Variants in FRK observed in about 807,000 individuals in gnomAD.
The protein encoded by FRK is fyn related Src family tyrosine kinase.
Under a neutral mutation model 56.4 loss-of-function variants are expected in FRK, and 51 were observed. That is an observed-to-expected ratio of 0.90 (90% confidence interval 0.72 to 1.14). The LOEUF (loss-of-function observed/expected upper bound fraction) is 1.14. FRK is among the 50% of genes most tolerant of loss of function. The probability of loss-of-function intolerance (pLI) is 0.00; values close to 1 mark genes in which losing one functional copy is unlikely to be tolerated. For synonymous variants in FRK, 245 were observed against 217.9 expected, an observed-to-expected ratio of 1.12 and a Z score of -1.10; for missense variants, 570 against 601.4, an observed-to-expected ratio of 0.95 and a Z score of 0.55.
chr6:116,006,343 T>G (rs1775246938), intron 1 of FRK, among the ~76,000 whole-genome samples: 1 of 152,220 alleles, frequency 6.6e-6, no homozygotes, highest in Non-Finnish European at 1.5e-5. Context: ...AAATACTATT[T>G]TATACTTTCA....
chr6:116,086,009 CTTTTT>C, the FRK span, among the ~76,000 whole-genome samples: 3 of 145,004 alleles, frequency 2.1e-5, no homozygotes, highest in Non-Finnish European at 4.6e-5. Context: ...GTCCAAATGA[CTTTTT>C]TTTTTTTTTG....
At chr6:116,052,293 G>A (rs1562306785) in intron 1 of FRK, among the ~76,000 whole-genome samples, 1 of 152,026 alleles carries the variant, frequency 6.6e-6, no homozygotes, top group East Asian at 1.9e-4. Flanking sequence ...ATTTCATTGA[G>A]AAATGAATAA....
rs573220038 is a variant in FRK at position 115,931,363 on chromosome 6, A to C, written c.*11051T>G. 6.6e-6 allele frequency: 1 copy of C among 152,348 alleles called. No homozygotes were observed. The highest frequency in any genetic ancestry group is 6.5e-5 in the Admixed American group (1 of 15,306). 9.4% of individuals were successfully genotyped at this position (152,348 alleles called of 1,614,324 possible). On this transcript the variant is annotated 3_prime_UTR_variant, in exon 8 of 8. Coordinates refer to ENST00000606080, the MANE Select transcript of FRK (RefSeq NM_002031.3). The stretch of plus-strand genomic sequence containing the variant: ...GAATACAGAAATAAAAATGTTTAAA[A>C]ATTGTAAGTAGTTACATTTGAATCT...
At position 115,931,448 on chromosome 6, in the gene FRK, T is replaced by C. The variant is rs368856680; in HGVS notation, c.*10966A>G. The C allele has an allele frequency of 2.6e-4, 39 of 152,288 alleles. No homozygotes were observed. Among genetic ancestry groups the C allele is most frequent in the African/African-American group, 8.7e-4 (36 of 41,576 alleles). 9.4% of individuals were successfully genotyped at this position (152,288 alleles called of 1,614,324 possible). On this transcript the variant is annotated 3_prime_UTR_variant, in exon 8 of 8. Transcript: ENST00000606080. ...TAAAAGAGGTCTTCTTTAATCCCTG[T>C]TGCTACATATAAATTAGTCATATGT...
At chr6:116,017,569 G>C (rs563217557) in intron 1 of FRK, among the ~76,000 whole-genome samples, 1 of 152,212 alleles carries the variant, frequency 6.6e-6, no homozygotes, top group South Asian at 2.1e-4. Context: ...AATTTGTCGA[G>C]GTTTTTCTTT....
chr6:115,960,325 C>T (rs1269618383), intron 4 of FRK, among the ~76,000 whole-genome samples: 3 of 151,340 alleles, frequency 2.0e-5, no homozygotes, highest in African/African-American at 7.3e-5. Context: ...CCGAATATTG[C>T]GCTTTTCAGA....
the FRK span, among the ~76,000 whole-genome samples, chr6:116,066,085 A>G: frequency 6.6e-6 from 1 of 152,200 alleles, no homozygotes; most frequent in Non-Finnish European, 1.5e-5. Flanking sequence ...TGAAGGATGC[A>G]AAGTATTGAT....
intron 2 of FRK, among the ~76,000 whole-genome samples, chr6:115,999,539 A>G (rs542361547): frequency 2.0e-5 from 3 of 152,306 alleles, no homozygotes; most frequent in African/African-American, 7.2e-5. Flanking sequence ...CTCTTTTCTG[A>G]CAGCTCCAAG....
the FRK span, among the ~76,000 whole-genome samples, chr6:116,095,281 A>G: frequency 6.6e-6 from 1 of 152,270 alleles, no homozygotes; most frequent in Admixed American, 6.5e-5. Context: ...TCTTTATAGA[A>G]GCAGAGTTAG....
intron 3 of FRK, among the ~76,000 whole-genome samples, chr6:115,968,294 C>G (rs1562262631): frequency 1.3e-5 from 2 of 152,158 alleles, no homozygotes; most frequent in East Asian, 3.8e-4. Context: ...TTCTAGTTTA[C>G]CACCTGCCCT....
intron 2 of FRK, among the ~76,000 whole-genome samples, chr6:115,991,062 T>C (rs1183159621): frequency 6.6e-6 from 1 of 151,714 alleles, no homozygotes; most frequent in Non-Finnish European, 1.5e-5. Context: ...TCTTGATTGG[T>C]TCTCAGGTTG....
rs537408856 is a variant in FRK at position 115,957,130 on chromosome 6, C to T, written c.800-520G>A. Among the ~76,000 whole-genome samples the T allele has an allele frequency of 3.9e-5, 6 of 152,232 alleles. No individual in the cohort carries two copies. The South Asian group carries it at 1.2e-3, about 32-fold the overall frequency. On this transcript the variant is annotated intron_variant, in intron 4 of 7. Coordinates refer to ENST00000606080, the MANE Select transcript of FRK (RefSeq NM_002031.3). ...AGACCAAGTGGAAAACATCCAAGAC[C>T]ATCCCCAAAAGTTAATGGGGTTTTT...
intron 5 of FRK, among the ~76,000 whole-genome samples, chr6:115,950,464 A>G (rs1051010667): frequency 2.0e-5 from 3 of 152,350 alleles, no homozygotes; most frequent in East Asian, 1.9e-4. Context: ...CAAAACCACA[A>G]TGAGATAGCA....
intron 5 of FRK, among the ~76,000 whole-genome samples, chr6:115,945,370 A>T (rs551828197): frequency 1.3e-5 from 2 of 152,268 alleles, no homozygotes; most frequent in East Asian, 3.9e-4. Flanking sequence ...CCTTGCCAGC[A>T]TCTGTTATTT....
chr6:116,047,969 G>A (rs182034631), intron 1 of FRK, among the ~76,000 whole-genome samples: 132 of 152,336 alleles, frequency 8.7e-4, no homozygotes, highest in African/African-American at 3.0e-3. Context: ...AAAAAGATGG[G>A]ACAGTTACTA....
At chr6:116,026,596 C>T (rs1776102541) in intron 1 of FRK, among the ~76,000 whole-genome samples, 1 of 151,268 alleles carries the variant, frequency 6.6e-6, no homozygotes, top group African/African-American at 2.4e-5. Context: ...GTAACACACC[C>T]ACCTGCCCAC....
intron 1 of FRK, among the ~76,000 whole-genome samples, chr6:116,028,202 C>T (rs1313374229): frequency 6.6e-6 from 1 of 152,010 alleles, no homozygotes; most frequent in African/African-American, 2.4e-5. Context: ...CTACTCAGTA[C>T]CATCAGTATT....
At chr6:116,087,305 T>C in the FRK span, among the ~76,000 whole-genome samples, 5 of 152,208 alleles carry the variant, frequency 3.3e-5, no homozygotes, top group Non-Finnish European at 5.9e-5. Context: ...AAGAGTTTAC[T>C]AGCATTTAAA....
chr6:116,062,005 G>GGAAA (rs745677180), upstream of FRK, among the ~76,000 whole-genome samples: 611 of 147,312 alleles, frequency 4.1e-3, 5 homozygotes, highest in Non-Finnish European at 6.7e-3. Flanking sequence ...AAAGAAAGAA[G>GGAAA]GAAAGAAAGA....
Sources: allele counts gnomAD v4.1 joint callset (sites outside exome capture counted in the v4.1 genomes callset), GRCh38; gene constraint gnomAD v4.1.1; transcripts MANE v1.5; gene names NCBI Gene and HGNC (gene_info 2026-07-23, HGNC 2026-07-21).